Variants in ARHGAP10 observed in about 807,000 individuals in gnomAD.
ARHGAP10 encodes Rho GTPase activating protein 10.
A neutral mutation model predicts 108.6 loss-of-function variants in ARHGAP10; 87 were observed. That is an observed-to-expected ratio of 0.80 (90% CI 0.67 to 0.96). The LOEUF is 0.96. Among genes scored for constraint, ARHGAP10 ranks in the 40% least tolerant of loss-of-function variants. The pLI is 0.00. For missense variants in ARHGAP10, 939 were observed against 954.5 expected, an observed-to-expected ratio of 0.98 and a Z score of 0.21; for synonymous variants, 347 against 341.1, an observed-to-expected ratio of 1.02 and a Z score of -0.19.
chr4:147,956,968 G>C (rs1385043520), intron 16 of ARHGAP10, among the ~76,000 whole-genome samples: 1 of 152,156 alleles, frequency 6.6e-6, no homozygotes, highest in Admixed American at 6.6e-5. Context: ...AAAATCTATG[G>C]TGGTAGAAAA....
chr4:147,913,428 G>A (rs1460137384), intron 13 of ARHGAP10, among the ~76,000 whole-genome samples: 2 of 152,140 alleles, frequency 1.3e-5, no homozygotes, highest in African/African-American at 4.8e-5. Context: ...GTGGCTTAAA[G>A]AATAGAAATT....
At chr4:148,018,430 A>G (rs1196151900) in intron 18 of ARHGAP10, among the ~76,000 whole-genome samples, 3 of 152,230 alleles carry the variant, frequency 2.0e-5, no homozygotes, top group Non-Finnish European at 4.4e-5. Context: ...TTTATCTTCT[A>G]GAATTTGATA....
At chr4:147,756,447 A>T (rs1481437744) in intron 1 of ARHGAP10, among the ~76,000 whole-genome samples, 2 of 152,198 alleles carry the variant, frequency 1.3e-5, no homozygotes, top group African/African-American at 4.8e-5. Flanking sequence ...CAGGTCTTTG[A>T]TGAGCACTGT....
At chr4:148,006,160 G>C (rs771158879) in intron 18 of ARHGAP10, among the ~76,000 whole-genome samples, 2 of 152,172 alleles carry the variant, frequency 1.3e-5, no homozygotes, top group African/African-American at 4.8e-5. Context: ...CAGCTGCCGT[G>C]TTAAAAGTTC....
intron 13 of ARHGAP10, among the ~76,000 whole-genome samples, chr4:147,926,979 A>G (rs1255789046): frequency 1.3e-5 from 2 of 152,128 alleles, no homozygotes; most frequent in Non-Finnish European, 2.9e-5. Context: ...CCCCATTCGC[A>G]TGAGCCCCTG....
intron 18 of ARHGAP10, among the ~76,000 whole-genome samples, chr4:147,997,708 A>C (rs1740533655): frequency 6.6e-6 from 1 of 152,242 alleles, no homozygotes; most frequent in Non-Finnish European, 1.5e-5. Flanking sequence ...TGGTCAAAGA[A>C]TCCACTAAAT....
rs988173582 is a variant in ARHGAP10 at position 147,826,513 on chromosome 4, G to A, written c.312+3556G>A. ...AAGCAGGACGCTGTCCAAAGCTGGG[G>A]TGGGTGGCAGCCACAGCCAACCACG... On this transcript the variant is annotated intron_variant, in intron 3 of 22. Transcript: ENST00000336498. 3.3e-5 allele frequency among the ~76,000 whole-genome samples: 5 copies of A among 152,198 alleles called. No individual in the cohort carries two copies. In the East Asian group the frequency reaches 9.6e-4, roughly 29 times the overall value.
Position 147,945,290 on chromosome 4 carries a change from C to CT in ARHGAP10, c.1304-1317dup, listed in dbSNP as rs540909832. Among the ~76,000 whole-genome samples, 613 of 149,346 alleles carry CT rather than the reference C, an allele frequency of 4.1e-3. 1 individual carries two copies. Among genetic ancestry groups the CT allele is most frequent in the African/African-American group, 0.014 (551 of 40,788 alleles). On this transcript the variant is annotated intron_variant, in intron 14 of 22. Coordinates refer to ENST00000336498, the MANE Select transcript of ARHGAP10 (RefSeq NM_024605.4). ...CACAATTTACTAACTCTCCCATCTC[C>CT]TTTTTTTTTTCCTGGTGCCATATAC...
intron 1 of ARHGAP10, among the ~76,000 whole-genome samples, chr4:147,761,383 G>C (rs188074422): frequency 2.1e-4 from 32 of 152,174 alleles, no homozygotes; most frequent in Non-Finnish European, 4.1e-4. Context: ...TCTCCTTTTA[G>C]TAGTAATCGC....
chr4:147,971,636 G>C (rs1336645442), intron 18 of ARHGAP10, among the ~76,000 whole-genome samples: 3 of 152,158 alleles, frequency 2.0e-5, no homozygotes, highest in Admixed American at 1.3e-4. Context: ...GAGGAGGTAC[G>C]TGTTCTGGGA....
intron 18 of ARHGAP10, among the ~76,000 whole-genome samples, chr4:147,971,490 A>G (rs1324159145): frequency 6.6e-6 from 1 of 152,188 alleles, no homozygotes; most frequent in Non-Finnish European, 1.5e-5. Flanking sequence ...AGGAGAGTTT[A>G]TGTTCAGCTG....
intron 13 of ARHGAP10, among the ~76,000 whole-genome samples, chr4:147,933,629 GC>G (rs1458478142): frequency 2.0e-5 from 3 of 152,192 alleles, no homozygotes; most frequent in African/African-American, 7.2e-5. Flanking sequence ...GTGGCTTTCT[GC>G]CCCAGATGGA....
chr4:147,963,776 C>A (rs993733480), intron 16 of ARHGAP10, among the ~76,000 whole-genome samples: 1 of 152,214 alleles, frequency 6.6e-6, no homozygotes, highest in African/African-American at 2.4e-5. Flanking sequence ...CTCCTTGCCA[C>A]TCACAGCTTC....
intron 18 of ARHGAP10, 26 bp downstream of exon 18, chr4:147,966,865 A>T (rs780489874): frequency 1.3e-6 from 2 of 1,533,194 alleles, no homozygotes; most frequent in African/African-American, 1.4e-5. Flanking sequence ...TCTTTAAGAG[A>T]CTTTGTTTTC....
At chr4:147,776,211 C>T (rs754095601) in intron 1 of ARHGAP10, among the ~76,000 whole-genome samples, 20 of 152,084 alleles carry the variant, frequency 1.3e-4, no homozygotes, top group African/African-American at 1.2e-4. Context: ...TGCCCTTTTG[C>T]GAATGAATGA....
chr4:147,769,790 A>T (rs951882318), intron 1 of ARHGAP10, among the ~76,000 whole-genome samples: 10 of 152,152 alleles, frequency 6.6e-5, no homozygotes, highest in Admixed American at 5.2e-4. Flanking sequence ...CTATCATGGA[A>T]CCTGTTTTCT....
intron 22 of ARHGAP10, among the ~76,000 whole-genome samples, chr4:148,069,450 TG>T: frequency 6.6e-6 from 1 of 152,252 alleles, no homozygotes; most frequent in Non-Finnish European, 1.5e-5. Flanking sequence ...GTTTGTTGGT[TG>T]GGGAGATGCA....
At chr4:148,040,578 G>T (rs778960216) in intron 19 of ARHGAP10, among the ~76,000 whole-genome samples, 1 of 152,098 alleles carries the variant, frequency 6.6e-6, no homozygotes, top group Non-Finnish European at 1.5e-5. Flanking sequence ...CTGGCCTCAG[G>T]TGATCCACCT....
In ARHGAP10 at chr4:147,732,201, T is replaced by C. The variant is rs1728238387; in HGVS notation, c.-101T>C. On this transcript the variant is annotated 5_prime_UTR_variant, in exon 1 of 23. Coordinates refer to ENST00000336498, the MANE Select transcript of ARHGAP10 (RefSeq NM_024605.4). ...GCGCGCCCGGGCCTGCTAGCTCCTC[T>C]GTGCTCCCTGAACGCGCGGCGCCGC... 5 of 1,270,094 alleles carry C rather than the reference T, an allele frequency of 3.9e-6. No individual in the cohort carries two copies. Among genetic ancestry groups the C allele is most frequent in the South Asian group, 3.7e-5 (2 of 54,356 alleles). 78.7% of individuals were successfully genotyped at this position (1,270,094 alleles called of 1,614,324 possible).
Sources: allele counts gnomAD v4.1 joint callset (sites outside exome capture counted in the v4.1 genomes callset), GRCh38; gene constraint gnomAD v4.1.1; transcripts MANE v1.5; gene names NCBI Gene and HGNC (gene_info 2026-07-23, HGNC 2026-07-21).